Variants in ATM observed in about 807,000 individuals in gnomAD.
The protein encoded by ATM is ATM serine/threonine kinase.
In ATM, 308 loss-of-function variants were observed where a neutral mutation model predicts 387.0. That is an observed-to-expected ratio of 0.80 (90% CI 0.73 to 0.87). The LOEUF (loss-of-function observed/expected upper bound fraction) is 0.87. Ranked by LOEUF, ATM falls within the 40% of genes least tolerant of loss-of-function variation. The pLI is 0.00. For synonymous variants in ATM, 1,156 were observed against 1,187.3 expected, an observed-to-expected ratio of 0.97 and a Z score of 0.54; for missense variants, 3,312 against 3,560.9, an observed-to-expected ratio of 0.93 and a Z score of 1.78.
chr11:108,300,310 A>C (rs2083359768), intron 34 of ATM, among the ~76,000 whole-genome samples: 1 of 152,190 alleles, frequency 6.6e-6, no homozygotes, highest in Non-Finnish European at 1.5e-5. Flanking sequence ...TAATCCTAGA[A>C]GTCTTAAGCT....
At chr11:108,341,690 A>G (rs994575037) in intron 56 of ATM, among the ~76,000 whole-genome samples, 28 of 152,362 alleles carry the variant, frequency 1.8e-4, no homozygotes, top group African/African-American at 6.5e-4. Flanking sequence ...AACAAAAAGG[A>G]TCATTTTAAT....
At chr11:108,347,425 T>C (rs1211129102) in intron 59 of ATM, 60 bp downstream of exon 59, 9 of 1,330,772 alleles carry the variant, frequency 6.8e-6, no homozygotes, top group Middle Eastern at 2.4e-4. Context: ...TCATGGAATG[T>C]TGTTTGCCTA....
chr11:108,233,874 A>T (rs1343669491), intron 4 of ATM, among the ~76,000 whole-genome samples: 2 of 152,126 alleles, frequency 1.3e-5, no homozygotes, highest in Non-Finnish European at 1.5e-5. Context: ...TATGAAAAAA[A>T]AGTCAACATT....
rs565993005 is a variant in ATM, at chr11:108,282,994, G to A, written c.3746+115G>A. ...CATACCCATACACATGTGTGTGTGGGAGCCTACATAGTATGAGAAGCAGGA... is the reference window on the plus strand; with the variant it reads ...CATACCCATACACATGTGTGTGTGGAAGCCTACATAGTATGAGAAGCAGGA... On this transcript the variant is annotated intron_variant, in intron 25 of 62. Coordinates refer to ENST00000675843, the MANE Select transcript of ATM (RefSeq NM_000051.4). 1.4e-4 allele frequency: 91 copies of A among 660,694 alleles called. 1 individual carries two copies. In the South Asian group the frequency reaches 1.8e-3, roughly 13 times the overall value. The allele number at this position is 660,694 out of a possible 1,614,324, so 40.9% of individuals were successfully genotyped here.
In ATM at chr11:108,259,027, G is replaced by A. The variant is rs587781296; in HGVS notation, c.2418G>A (p.Leu806=). The change falls in exon 16 of 63, where the codon TTG becomes TTA. Residue 806 remains leucine (L), a synonymous_variant. Coordinates refer to ENST00000675843, the MANE Select transcript of ATM (RefSeq NM_000051.4). ...TTGCATCTGGCTTTTTCCTGCGATT[G>A]TTAACATCAAAGCTAATGAATGACA... The part of the protein sequence containing the change: ...NKIASGFFLR[L]LTSKLMNDIA... 1.2e-6 allele frequency: 2 copies of A among 1,613,844 alleles called. No individual in the cohort carries two copies. Among genetic ancestry groups the A allele is most frequent in the East Asian group, 2.2e-5 (1 of 44,822 alleles).
rs1345727435 is a variant in ATM, at chr11:108,361,884, A to G, written c.8851-3198A>G. Among the ~76,000 whole-genome samples the G allele has an allele frequency of 3.2e-3, 487 of 150,944 alleles. 1 individual carries two copies. The highest frequency in any genetic ancestry group is 6.8e-3 in the Middle Eastern group (2 of 292). On this transcript the variant is annotated intron_variant, in intron 61 of 62. Coordinates refer to ENST00000675843, the MANE Select transcript of ATM (RefSeq NM_000051.4). ...AGGCATTACCATTCAGGACATAGGCATGGGCAAGGACTTCATGTCCAAAAC... is the reference window on the plus strand; with the variant it reads ...AGGCATTACCATTCAGGACATAGGCGTGGGCAAGGACTTCATGTCCAAAAC...
intron 4 of ATM, among the ~76,000 whole-genome samples, chr11:108,231,257 G>A (rs555094491): frequency 3.3e-5 from 5 of 152,100 alleles, no homozygotes; most frequent in Admixed American, 6.5e-5. Context: ...TTGATTTTTC[G>A]GAACCAAAAT....
intron 1 of ATM, chr11:108,226,470 T>G (rs2078740965): frequency 6.6e-6 from 1 of 152,250 alleles, no homozygotes; most frequent in African/African-American, 2.4e-5. Context: ...AAAATATAGT[T>G]GATCCTTGAT....
rs1555138291 is a variant in ATM, at chr11:108,345,859, G to A, written c.8535G>A (p.Trp2845Ter). 6.2e-7 allele frequency: 1 copy of A among 1,613,844 alleles called. No homozygotes were observed. Among genetic ancestry groups the A allele is most frequent in the South Asian group, 1.1e-5 (1 of 91,066 alleles). The change falls in exon 58 of 63, where the codon TGG becomes TGA. Residue 2845 changes from tryptophan to a stop codon, truncating the protein, a stop_gained. Coordinates refer to ENST00000675843, the MANE Select transcript of ATM (RefSeq NM_000051.4). LOFTEE classifies it high-confidence loss of function. ...CMEKFLDPAI[W>*]FEKRLAYTRS... is the part of the protein sequence containing the mutation. Reference sequence around the variant, plus strand: ...AAAAATTCTTGGATCCAGCTATTTGGTTTGAGAAGCGATTGGCTTATACGC... The same window carrying A: ...AAAAATTCTTGGATCCAGCTATTTGATTTGAGAAGCGATTGGCTTATACGC...
intron 61 of ATM, among the ~76,000 whole-genome samples, chr11:108,363,380 T>G (rs1470854169): frequency 6.6e-6 from 1 of 152,192 alleles, no homozygotes; most frequent in African/African-American, 2.4e-5. Context: ...GCCTTCAAGA[T>G]TTTATTTTCT....
intron 59 of ATM, among the ~76,000 whole-genome samples, chr11:108,349,803 G>A (rs1479955997): frequency 6.6e-6 from 1 of 152,120 alleles, no homozygotes; most frequent in Non-Finnish European, 1.5e-5. Flanking sequence ...AGATATTGAA[G>A]ATACAGGAGA....
chr11:108,325,606 CAG>C lies in ATM; in HGVS notation c.6807+64_6807+65del, dbSNP rs1321252365. The C allele has an allele frequency of 2.9e-6, 4 of 1,367,862 alleles. No homozygotes were observed. Among genetic ancestry groups the C allele is most frequent in the Non-Finnish European group, 3.1e-6 (3 of 974,778 alleles). The allele number at this position is 1,367,862 out of a possible 1,614,324, so 84.7% of individuals were successfully genotyped here. A position where few individuals can be genotyped will look rare whatever the true frequency, so the allele number is the denominator to read the frequency against. Reference sequence around the variant, plus strand: ...GACTTTCCTTTTATTATTTAAAAAACAGAAAGCCTGAGGGAAAAAGAAATGTC... The same window carrying C: ...GACTTTCCTTTTATTATTTAAAAAACAAAGCCTGAGGGAAAAAGAAATGTC... On this transcript the variant is annotated intron_variant, in intron 46 of 62. Coordinates refer to ENST00000675843, the MANE Select transcript of ATM (RefSeq NM_000051.4).
chr11:108,326,099 A>G lies in ATM; in HGVS notation c.6849A>G (p.Ser2283=). 1 of 1,614,174 alleles carries G rather than the reference A, an allele frequency of 6.2e-7. No individual in the cohort carries two copies. Among genetic ancestry groups the G allele is most frequent in the Non-Finnish European group, 8.5e-7 (1 of 1,180,010 alleles). ...TATTTCAAATTAAACAGTACAATTC[A>G]GTTAGCTGTGGAGTCTCTGAGTGGC... The part of the protein sequence containing the change: ...RAIFQIKQYN[S]VSCGVSEWQL... The change falls in exon 47 of 63, where the codon TCA becomes TCG. Residue 2283 remains serine, a synonymous_variant. Coordinates refer to ENST00000675843, the MANE Select transcript of ATM (RefSeq NM_000051.4).
At chr11:108,236,954 C>T (rs147238602) in intron 5 of ATM, among the ~76,000 whole-genome samples, 18 of 151,676 alleles carry the variant, frequency 1.2e-4, no homozygotes, top group Admixed American at 2.6e-4. Context: ...TTCTAATACA[C>T]GAACTCTAAA....
chr11:108,231,194 T>C (rs940665019), intron 4 of ATM, among the ~76,000 whole-genome samples: 2 of 152,232 alleles, frequency 1.3e-5, no homozygotes, highest in Non-Finnish European at 2.9e-5. Context: ...TTTTTTCTCC[T>C]GATGAGCCAA....
chr11:108,331,618 A>C, intron 51 of ATM, 61 bp downstream of exon 51: 15 of 1,411,296 alleles, frequency 1.1e-5, no homozygotes, highest in Non-Finnish European at 1.4e-5. Context: ...ACTATATATT[A>C]TATAAAGTAT....
intron 15 of ATM, 43 bp downstream of exon 15, chr11:108,257,649 T>G: frequency 6.3e-7 from 1 of 1,589,128 alleles, no homozygotes; most frequent in Non-Finnish European, 8.6e-7. Context: ...AGATAGGATC[T>G]TTCTCTGTCA....
chr11:108,291,899 C>G (rs1326603064), intron 29 of ATM, among the ~76,000 whole-genome samples: 1 of 152,058 alleles, frequency 6.6e-6, no homozygotes. Flanking sequence ...CTGAATTCCC[C>G]CTAATTTGTG....
rs2136564878 is a variant in ATM, at chr11:108,332,811, G to C, written c.7838G>C (p.Arg2613Thr). ...NRIICTIRSR[R>T]PQMVRSVEAL... is the part of the protein sequence containing the mutation. ...ATAATATGTACTATCAGAAGTAGGAGACCTCAGATGGTCAGAAGTGTTGAG... is the reference window on the plus strand; with the variant it reads ...ATAATATGTACTATCAGAAGTAGGACACCTCAGATGGTCAGAAGTGTTGAG... The change falls in exon 53 of 63, where the codon AGA becomes ACA. Residue 2613 changes from arginine (R) to threonine (T), a missense_variant. Physicochemically the swap from Arg to Thr is moderately conservative, Grantham distance 71. Coordinates refer to ENST00000675843, the MANE Select transcript of ATM (RefSeq NM_000051.4). 1.2e-6 allele frequency: 2 copies of C among 1,613,402 alleles called. No homozygotes were observed. The highest frequency in any genetic ancestry group is 1.1e-5 in the South Asian group (1 of 91,070).
Sources: gnomAD v4.1 joint callset for allele counts (sites outside exome capture counted in the v4.1 genomes callset) on GRCh38, gnomAD v4.1.1 for gene constraint, MANE v1.5 for transcripts, NCBI Gene and HGNC (gene_info 2026-07-23, HGNC 2026-07-21) for gene names.